BNIP3L: variants seen among roughly 807,000 people sequenced by gnomAD.
The protein encoded by BNIP3L is BCL2 interacting protein 3 like.
BNIP3L carries 10 observed loss-of-function variants against 25.5 expected under a neutral mutation model. The observed-to-expected ratio is 0.39, with a 90% confidence interval of 0.24 to 0.67. The LOEUF is 0.67. Ranked by LOEUF, BNIP3L falls within the 30% of genes least tolerant of loss-of-function variation. BNIP3L has a pLI of 0.45. For synonymous variants in BNIP3L, 113 were observed against 101.2 expected (o/e 1.12, Z -0.70); for missense variants, 215 against 270.9 (o/e 0.79, Z 1.45).
In BNIP3L at chr8:26,410,369, A is replaced by T. The variant is rs752488701; in HGVS notation, c.617A>T (p.Tyr206Phe). ...SHVLALGLGIYIGKRLSTPSA... is the reference protein window; with the variant it reads ...SHVLALGLGIFIGKRLSTPSA... ...ATGCTTCTGCTTCCTTTCAGCATCT[A>T]TATTGGAAAGCGACTGAGCACACCC... is the stretch of plus-strand genomic sequence containing the variant. Residue 206 changes from tyrosine (Y) to phenylalanine (F), a missense_variant, in exon 6 of 6, where the codon TAT becomes TTT. Tyr to Phe is a conservative substitution (Grantham distance 22, BLOSUM62 3). Around this residue, in one of 4 missense-constraint regions of BNIP3L, gnomAD observed 63 missense variants for 98.8 expected, o/e 0.64. Coordinates refer to ENST00000380629, the MANE Select transcript of BNIP3L (RefSeq NM_004331.3). The T allele has an allele frequency of 6.2e-7, 1 of 1,613,988 alleles. No individual in the cohort carries two copies. The highest frequency in any genetic ancestry group is 1.1e-5 in the South Asian group (1 of 91,084).
At position 26,412,764 on chromosome 8, in the gene BNIP3L, T is replaced by C. The variant is rs1440690219; in HGVS notation, c.*2352T>C. 1 of 152,618 alleles carries C rather than the reference T, an allele frequency of 6.6e-6. No homozygotes were observed. Among genetic ancestry groups the C allele is most frequent in the Admixed American group, 6.5e-5 (1 of 15,280 alleles). The allele number at this position is 152,618 out of a possible 1,614,324, so 9.5% of individuals were successfully genotyped here. The stretch of plus-strand genomic sequence containing the variant: ...TAATGTTTAAAAAGCTTTACACCTG[T>C]TTACAATTTGGGGACAAAAAGGCAG... On this transcript the variant is annotated 3_prime_UTR_variant, in exon 6 of 6. Coordinates refer to ENST00000380629, the MANE Select transcript of BNIP3L (RefSeq NM_004331.3).
rs1431355942 is a variant in BNIP3L at position 26,412,340 on chromosome 8, C to T, written c.*1928C>T. 1 of 152,170 alleles carries T rather than the reference C, an allele frequency of 6.6e-6. No homozygotes were observed. The highest frequency in any genetic ancestry group is 1.5e-5 in the Non-Finnish European group (1 of 68,036). The allele number at this position is 152,170 out of a possible 1,614,324, so 9.4% of individuals were successfully genotyped here. ...GGAGAACTGACTAGCTAAACTGCTA[C>T]AGTATGCAATTTCTATTACAATTGG... On this transcript the variant is annotated 3_prime_UTR_variant, in exon 6 of 6. Coordinates refer to ENST00000380629, the MANE Select transcript of BNIP3L (RefSeq NM_004331.3).
At chr8:26,384,506 C>G (rs1045222407) in intron 1 of BNIP3L, among the ~76,000 whole-genome samples, 2 of 152,158 alleles carry the variant, frequency 1.3e-5, no homozygotes, top group African/African-American at 4.8e-5. Context: ...TTAAACGTTA[C>G]TTGTATCACA....
intron 3 of BNIP3L, among the ~76,000 whole-genome samples, chr8:26,406,407 C>T (rs1195791169): frequency 1.3e-5 from 2 of 152,082 alleles, no homozygotes; most frequent in Non-Finnish European, 2.9e-5. Context: ...GAATACTGGC[C>T]CTGCTATGTA....
intron 3 of BNIP3L, among the ~76,000 whole-genome samples, chr8:26,402,426 C>T (rs1055964423): frequency 3.3e-5 from 5 of 152,298 alleles, no homozygotes; most frequent in South Asian, 4.2e-4. Flanking sequence ...AATTCTTTGC[C>T]GTGGTCTTTC....
At chr8:26,393,063 T>C (rs1806150395) in intron 2 of BNIP3L, among the ~76,000 whole-genome samples, 1 of 152,022 alleles carries the variant, frequency 6.6e-6, no homozygotes, top group Non-Finnish European at 1.5e-5. Flanking sequence ...CTCCAGGCCC[T>C]AGATTAGTGG....
intron 5 of BNIP3L, among the ~76,000 whole-genome samples, chr8:26,409,521 A>G (rs960120178): frequency 2.7e-4 from 41 of 152,328 alleles, no homozygotes; most frequent in South Asian, 6.2e-4. Context: ...GGGCAAGGAC[A>G]GTAATCAACA....
At chr8:26,401,947 ATTCTTGAGGACGG>A (rs1806393389) in intron 3 of BNIP3L, among the ~76,000 whole-genome samples, 1 of 152,196 alleles carries the variant, frequency 6.6e-6, no homozygotes, top group Non-Finnish European at 1.5e-5. Flanking sequence ...TAGAGTACAA[ATTCTTGAGGACGG>A]GAACCATTAT....
chr8:26,402,931 C>T (rs982909258), intron 3 of BNIP3L, among the ~76,000 whole-genome samples: 8 of 152,226 alleles, frequency 5.3e-5, no homozygotes, highest in South Asian at 2.1e-4. Flanking sequence ...TGCAGATGTG[C>T]AATCAGGCTT....
In BNIP3L at chr8:26,383,129, C is replaced by T. The variant is rs767521302; in HGVS notation, c.-2C>T. The T allele has an allele frequency of 6.2e-7, 1 of 1,608,892 alleles. No homozygotes were observed. The highest frequency in any genetic ancestry group is 8.5e-7 in the Non-Finnish European group (1 of 1,178,176). On this transcript the variant is annotated 5_prime_UTR_variant, in exon 1 of 6. Transcript: ENST00000380629. The stretch of plus-strand genomic sequence containing the variant: ...TGCCGCAGTCCTGCCAGCTGTCCGA[C>T]AATGTCGTCCCACCTAGTCGAGCCG...
In BNIP3L at chr8:26,395,817, G is replaced by A. The variant is rs1000827753; in HGVS notation, c.357+515G>A. On this transcript the variant is annotated intron_variant, in intron 3 of 5. Coordinates refer to ENST00000380629, the MANE Select transcript of BNIP3L (RefSeq NM_004331.3). ...CGAGGCATTGCCTCACCTGGGAAGCGCAAGGGGTCAGGGAGTTCCCTTTCC... is the reference window on the plus strand; with the variant it reads ...CGAGGCATTGCCTCACCTGGGAAGCACAAGGGGTCAGGGAGTTCCCTTTCC... The A allele has an allele frequency of 8.3e-4, 128 of 155,002 alleles. 1 individual carries two copies. Among genetic ancestry groups the A allele is most frequent in the Non-Finnish European group, 1.4e-3 (97 of 69,588 alleles). The allele number at this position is 155,002 out of a possible 1,614,324, so 9.6% of individuals were successfully genotyped here.
chr8:26,397,338 A>AT (rs1158825294), intron 3 of BNIP3L, among the ~76,000 whole-genome samples: 3 of 51,292 alleles, frequency 5.8e-5, no homozygotes, highest in Non-Finnish European at 1.1e-4. Context: ...AAAGAAAAGA[A>AT]TTTTCAACCC....
At chr8:26,386,995 G>A (rs1806006338) in intron 1 of BNIP3L, among the ~76,000 whole-genome samples, 1 of 152,176 alleles carries the variant, frequency 6.6e-6, no homozygotes, top group South Asian at 2.1e-4. Context: ...TGAATGAAAA[G>A]CTTTGAGGAA....
At chr8:26,384,969 T>C (rs565211182) in intron 1 of BNIP3L, among the ~76,000 whole-genome samples, 34 of 152,038 alleles carry the variant, frequency 2.2e-4, no homozygotes, top group African/African-American at 7.7e-4. Context: ...AGGGGGTTGT[T>C]GGTCTCTCAC....
chr8:26,383,794 C>T (rs924963540), intron 1 of BNIP3L, among the ~76,000 whole-genome samples: 3 of 152,114 alleles, frequency 2.0e-5, no homozygotes, highest in Non-Finnish European at 2.9e-5. Flanking sequence ...TTCATTTGCT[C>T]GTCTAGGGTT....
chr8:26,395,297 T>C lies in BNIP3L; in HGVS notation c.352T>C (p.Ser118Pro). 2 of 1,613,862 alleles carry C rather than the reference T, an allele frequency of 1.2e-6. No homozygotes were observed. Among genetic ancestry groups the C allele is most frequent in the Non-Finnish European group, 8.5e-7 (1 of 1,179,822 alleles). ...AATGCACACCAGCAGGGACCATAGC[T>C]CTCAGGTGTGTCGGGGGGATTCTGA... ...VEMHTSRDHS[S>P]QSEEEVVEGE... The change falls in exon 3 of 6, where the codon TCT becomes CCT. Residue 118 changes from serine (S) to proline (P), a missense_variant. Around this residue, in one of 4 missense-constraint regions of BNIP3L, gnomAD observed 47 missense variants for 43.3 expected, o/e 1.09. Transcript: ENST00000380629.
intron 1 of BNIP3L, 107 bp from the exon 2 acceptor site, chr8:26,391,136 G>T: frequency 2.2e-6 from 2 of 890,266 alleles, no homozygotes; most frequent in Non-Finnish European, 1.6e-6. Context: ...TTTTACATTT[G>T]GTTTGAGGAG....
intron 2 of BNIP3L, among the ~76,000 whole-genome samples, chr8:26,393,963 A>G (rs1806171636): frequency 6.6e-6 from 1 of 152,352 alleles, no homozygotes; most frequent in Middle Eastern, 3.4e-3. Flanking sequence ...TTTCTGAGTC[A>G]GTCTCACCAA....
chr8:26,383,300 G>A, intron 1 of BNIP3L, 70 bp downstream of exon 1: 1 of 1,550,602 alleles, frequency 6.4e-7, no homozygotes, highest in South Asian at 1.2e-5. Context: ...CGCCACCGGC[G>A]CGGCGCGGGA....
Sources: allele counts gnomAD v4.1 joint callset (sites outside exome capture counted in the v4.1 genomes callset), GRCh38; gene constraint gnomAD v4.1.1; regional missense constraint gnomAD v4.1.1; transcripts MANE v1.5; gene names NCBI Gene and HGNC (gene_info 2026-07-23, HGNC 2026-07-21).